Variants in DDX31 observed in about 807,000 individuals in gnomAD.
The protein encoded by DDX31 is DEAD-box helicase 31, also known as ATP-dependent DNA helicase DDX31.
Under a neutral mutation model 91.3 loss-of-function variants are expected in DDX31, and 70 were observed. The observed-to-expected ratio is 0.77, with a 90% CI of 0.63 to 0.94. The LOEUF (loss-of-function observed/expected upper bound fraction) is 0.94, where lower values mean the gene tolerates loss of function less well. DDX31 is among the 40% of genes least tolerant of loss of function. DDX31 has a pLI of 0.00. For synonymous variants in DDX31, 362 were observed against 350.6 expected (o/e 1.03, Z -0.36); for missense variants, 902 against 925.0 (o/e 0.98, Z 0.32).
intron 17 of DDX31, among the ~76,000 whole-genome samples, chr9:132,623,433 G>A (rs1336462708): frequency 2.7e-5 from 4 of 150,434 alleles, no homozygotes; most frequent in African/African-American, 7.3e-5. Flanking sequence ...GCATGCGCCT[G>A]TATTCCCAGC....
intron 17 of DDX31, among the ~76,000 whole-genome samples, chr9:132,624,010 C>A (rs989184591): frequency 6.6e-6 from 1 of 151,384 alleles, no homozygotes; most frequent in Non-Finnish European, 1.5e-5. Flanking sequence ...ACTAAAAATA[C>A]GAAAAAATTA....
Position 132,614,997 on chromosome 9 carries a change from C to T in DDX31, c.1826-2742G>A, listed in dbSNP as rs554813414. Among the ~76,000 whole-genome samples the T allele has an allele frequency of 3.3e-5, 5 of 152,204 alleles. No homozygotes were observed. In the South Asian group the frequency reaches 1.0e-3, roughly 32 times the overall value. On this transcript the variant is annotated intron_variant, in intron 18 of 19. Coordinates refer to ENST00000372159, the MANE Select transcript of DDX31 (RefSeq NM_022779.9). ...AGAACCTTTCAAGGAGCAGGAAGTG[C>T]TCATGTTGGCAGCGTCGAGAATGTG...
chr9:132,656,276 A>G (rs1466267604), intron 6 of DDX31, among the ~76,000 whole-genome samples: 1 of 152,238 alleles, frequency 6.6e-6, no homozygotes, highest in East Asian at 1.9e-4. Flanking sequence ...GGACTATATT[A>G]TTACTTGAAA....
chr9:132,606,173 A>G (rs1831009912), intron 19 of DDX31, among the ~76,000 whole-genome samples: 1 of 152,206 alleles, frequency 6.6e-6, no homozygotes, highest in Non-Finnish European at 1.5e-5. Flanking sequence ...CTCTCATCTC[A>G]TGTTTGGCCA....
At chr9:132,606,984 C>T (rs1458696672) in intron 19 of DDX31, among the ~76,000 whole-genome samples, 1 of 152,194 alleles carries the variant, frequency 6.6e-6, no homozygotes, top group Non-Finnish European at 1.5e-5. Context: ...GCAAAATTTC[C>T]AATTGGAAGC....
At chr9:132,619,878 GTGTT>G (rs1457649262) in intron 17 of DDX31, among the ~76,000 whole-genome samples, 3 of 145,234 alleles carry the variant, frequency 2.1e-5, no homozygotes, top group Non-Finnish European at 4.5e-5. Flanking sequence ...CACCTTCCCT[GTGTT>G]TTTTTTTTTT....
rs1373893384 is a variant in DDX31, at chr9:132,635,869, G to A, written c.1441-3778C>T. On this transcript the variant is annotated intron_variant, in intron 14 of 19. Coordinates refer to ENST00000372159, the MANE Select transcript of DDX31 (RefSeq NM_022779.9). ...AGAGGCAGGAAAACTGCTTGAACCC[G>A]GGAGGTGGAGGGTGCAGTGAGCCAA... Among the ~76,000 whole-genome samples, 3 of 151,844 alleles carry A rather than the reference G, an allele frequency of 2.0e-5. No individual in the cohort carries two copies. The East Asian group carries it at 5.9e-4, about 30-fold the overall frequency.
intron 6 of DDX31, chr9:132,658,306 T>C: frequency 1.4e-6 from 1 of 703,324 alleles, no homozygotes; most frequent in South Asian, 1.5e-5. Context: ...CCTTGGTTAT[T>C]TAACTTTCCT....
chr9:132,626,993 A>G (rs1415910906), intron 16 of DDX31, among the ~76,000 whole-genome samples: 1 of 152,154 alleles, frequency 6.6e-6, no homozygotes, highest in Non-Finnish European at 1.5e-5. Context: ...AGAGCAATGC[A>G]TGGGTATTGA....
rs1830303552 is a variant in DDX31 at position 132,593,676 on chromosome 9, A to T, written c.*1190T>A. 1 of 152,194 alleles carries T rather than the reference A, an allele frequency of 6.6e-6. No homozygotes were observed. Among genetic ancestry groups the T allele is most frequent in the South Asian group, 2.1e-4 (1 of 4,818 alleles). The allele number at this position is 152,194 out of a possible 1,614,324, so 9.4% of individuals were successfully genotyped here. A position where few individuals can be genotyped will look rare whatever the true frequency, so the allele number is the denominator to read the frequency against. ...ACCTGTGTCTAGAACGGAGGCAAGG[A>T]TGCTGACCCCCCGTGGTCCCTGCAG... On this transcript the variant is annotated 3_prime_UTR_variant, in exon 20 of 20. Transcript: ENST00000372159.
chr9:132,639,073 G>A (rs1833315574), intron 14 of DDX31, among the ~76,000 whole-genome samples: 1 of 152,160 alleles, frequency 6.6e-6, no homozygotes. Context: ...CTCCTGGAGA[G>A]TGTTCGGATA....
At position 132,659,682 on chromosome 9, in the gene DDX31, A is replaced by C. The variant is rs369364879; in HGVS notation, c.523+28T>G. On this transcript the variant is annotated intron_variant, in intron 5 of 19. Coordinates refer to ENST00000372159, the MANE Select transcript of DDX31 (RefSeq NM_022779.9). ...CATGACCATGGGCCTGAGCAGATGA[A>C]AAAGGGCAGAGATGAAATGAGACTA... 2.6e-5 allele frequency: 42 copies of C among 1,594,396 alleles called. 1 individual carries two copies. The highest frequency in any genetic ancestry group is 3.0e-5 in the Non-Finnish European group (35 of 1,168,656).
chr9:132,611,887 C>T (rs1831361518), intron 19 of DDX31, among the ~76,000 whole-genome samples, 200 bp downstream of exon 19: 1 of 152,100 alleles, frequency 6.6e-6, no homozygotes, highest in South Asian at 2.1e-4. Context: ...CTATGAACCC[C>T]ACCACATTTG....
intron 17 of DDX31, among the ~76,000 whole-genome samples, chr9:132,619,401 G>A (rs1831857198): frequency 6.6e-6 from 1 of 152,122 alleles, no homozygotes; most frequent in African/African-American, 2.4e-5. Flanking sequence ...AACCCCCGGG[G>A]AAAATCCAGA....
At chr9:132,669,514 T>C (rs1403357981) in intron 1 of DDX31, 1 of 1,308,046 alleles carries the variant, frequency 7.6e-7, no homozygotes, top group Non-Finnish European at 1.0e-6. Context: ...TCGAGGAAAC[T>C]GGCTTAGAGA....
chr9:132,639,911 C>T (rs187926928), intron 14 of DDX31, among the ~76,000 whole-genome samples: 93 of 152,308 alleles, frequency 6.1e-4, no homozygotes, highest in African/African-American at 2.2e-3. Flanking sequence ...TCAGATAACA[C>T]CAGATGAATG....
At chr9:132,658,803 G>A (rs1448543305) in intron 5 of DDX31, 68 bp from the exon 6 acceptor site, 1 of 1,466,526 alleles carries the variant, frequency 6.8e-7, no homozygotes, top group Middle Eastern at 1.8e-4. Context: ...AGCAAAGGAT[G>A]TAAAGGAAAC....
intron 17 of DDX31, among the ~76,000 whole-genome samples, chr9:132,621,427 C>T (rs1000312115): frequency 6.6e-6 from 1 of 152,124 alleles, no homozygotes; most frequent in African/African-American, 2.4e-5. Context: ...TTCACACACC[C>T]AGACATAGCT....
chr9:132,621,309 T>C (rs1405028244), intron 17 of DDX31, among the ~76,000 whole-genome samples: 6 of 152,232 alleles, frequency 3.9e-5, no homozygotes, highest in Non-Finnish European at 8.8e-5. Context: ...TTTGTTTTAA[T>C]CACTTTATTG....
Sources: gnomAD v4.1 joint callset for allele counts (sites outside exome capture counted in the v4.1 genomes callset) on GRCh38, gnomAD v4.1.1 for gene constraint, MANE v1.5 for transcripts, NCBI Gene and HGNC (gene_info 2026-07-23, HGNC 2026-07-21) for gene names.